Variants in PTPN14 observed in about 807,000 individuals in gnomAD.
PTPN14 encodes tyrosine-protein phosphatase non-receptor type 14.
Under a neutral mutation model 126.8 loss-of-function variants are expected in PTPN14, and 53 were observed. The ratio of observed to expected loss-of-function variants is 0.42; its 90% confidence interval spans 0.34 to 0.53. The LOEUF (loss-of-function observed/expected upper bound fraction) is 0.53. Ranked by LOEUF, PTPN14 falls within the 20% of genes least tolerant of loss-of-function variation. The pLI, the probability that PTPN14 is intolerant of heterozygous loss-of-function variation, is 0.08. For missense variants in PTPN14, 1,257 were observed against 1,552.9 expected, an observed-to-expected ratio of 0.81 and a Z score of 3.20; for synonymous variants, 630 against 599.3, an observed-to-expected ratio of 1.05 and a Z score of -0.75.
intron 3 of PTPN14, among the ~76,000 whole-genome samples, chr1:214,436,442 C>A (rs975698137): frequency 1.3e-5 from 2 of 152,092 alleles, no homozygotes; most frequent in Non-Finnish European, 1.5e-5. Flanking sequence ...CATTTGCCAA[C>A]TTGTGGTGGA....
Position 214,358,021 on chromosome 1 carries a change from G to A in PTPN14, c.3465C>T (p.Leu1155=), listed in dbSNP as rs1464542763. 1.2e-6 allele frequency: 2 copies of A among 1,613,642 alleles called. No individual in the cohort carries two copies. The highest frequency in any genetic ancestry group is 2.2e-5 in the East Asian group (1 of 44,856). ...EKVEVPMMLR[L]LREQRMFMIQ... ...TCATGAACATCCTCTGCTCCCTGAG[G>A]AGCCTCAGCATCATGGGCACTTCCA... The change falls in exon 19 of 19, where the codon CTC becomes CTT. Residue 1155 remains leucine, a synonymous_variant. Coordinates refer to ENST00000366956, the MANE Select transcript of PTPN14 (RefSeq NM_005401.5).
intron 2 of PTPN14, among the ~76,000 whole-genome samples, chr1:214,462,867 T>A (rs561552685): frequency 6.6e-5 from 10 of 152,372 alleles, no homozygotes; most frequent in East Asian, 3.9e-4. Context: ...GGGTTTTTTT[T>A]AAGTTGTTTA....
rs1239934269 is a variant in PTPN14, at chr1:214,516,075, A to C, written c.-155+35108T>G. 4.6e-5 allele frequency among the ~76,000 whole-genome samples: 7 copies of C among 152,320 alleles called. No individual in the cohort carries two copies. The South Asian group carries it at 1.2e-3, about 27-fold the overall frequency. On this transcript the variant is annotated intron_variant, in intron 1 of 18. Coordinates refer to ENST00000366956, the MANE Select transcript of PTPN14 (RefSeq NM_005401.5). ...TTTCGATAACATAAAAGCAGGAAGT[A>C]CACCTCCACCTCACCCCAGAGGAGC... is the stretch of plus-strand genomic sequence containing the variant.
chr1:214,446,762 G>A (rs977679476), intron 3 of PTPN14, among the ~76,000 whole-genome samples: 1 of 151,984 alleles, frequency 6.6e-6, no homozygotes, highest in African/African-American at 2.4e-5. Flanking sequence ...CCCAACCAGA[G>A]TATTAATCTA....
intron 5 of PTPN14, 81 bp downstream of exon 5, chr1:214,411,603 A>G (rs1329115540): frequency 7.0e-6 from 8 of 1,137,142 alleles, no homozygotes; most frequent in Middle Eastern, 2.0e-4. Context: ...TGCATATGTA[A>G]AATCCTGAAA....
chr1:214,359,760 A>T (rs2102503384), intron 18 of PTPN14, among the ~76,000 whole-genome samples: 1 of 152,198 alleles, frequency 6.6e-6, no homozygotes, highest in East Asian at 1.9e-4. Context: ...AGCTCAAGTA[A>T]TCCTCCAGCC....
intron 1 of PTPN14, among the ~76,000 whole-genome samples, chr1:214,465,646 A>G (rs1660617953): frequency 6.6e-6 from 1 of 151,922 alleles, no homozygotes; most frequent in African/African-American, 2.4e-5. Context: ...TTAAATTAAA[A>G]AGCCCACTAG....
rs771216709 is a variant in PTPN14 at position 214,364,588 on chromosome 1, T to A, written c.3359A>T (p.His1120Leu). Reference protein sequence around the residue: ...TKNRHPPIVVHCSAGVGRTGV... With the variant: ...TKNRHPPIVVLCSAGVGRTGV... ...GGTCCTTCCCACCCCAGCACTACAG[T>A]GGACCACGATGGGCGGGTGCCGGTT... Residue 1120 changes from histidine to leucine, a missense_variant, in exon 18 of 19, where the codon CAC (histidine) becomes CTC (leucine). His to Leu is a moderately conservative substitution (Grantham distance 99). Transcript: ENST00000366956. This position sits in a 1 kb window ranked among gnomAD's most constrained non-coding sequence, Gnocchi z 4.1. 1 of 1,614,100 alleles carries A rather than the reference T, an allele frequency of 6.2e-7. No homozygotes were observed. The highest frequency in any genetic ancestry group is 1.1e-5 in the South Asian group (1 of 91,078).
At chr1:214,401,850 C>T in intron 6 of PTPN14, 78 bp from the exon 7 acceptor site, 1 of 1,194,606 alleles carries the variant, frequency 8.4e-7, no homozygotes, top group Middle Eastern at 1.9e-4. Context: ...ATGGCAAATT[C>T]CAGAGCTGTG....
intron 1 of PTPN14, among the ~76,000 whole-genome samples, chr1:214,534,194 T>C (rs934175837): frequency 6.6e-6 from 1 of 152,204 alleles, no homozygotes; most frequent in African/African-American, 2.4e-5. Context: ...TGATAGTTTT[T>C]CCAGGGAGCA....
At chr1:214,419,652 A>T (rs1242597287) in intron 3 of PTPN14, among the ~76,000 whole-genome samples, 2 of 152,180 alleles carry the variant, frequency 1.3e-5, no homozygotes, top group Non-Finnish European at 2.9e-5. Context: ...CTGATGTTAT[A>T]TTCTGCAAAT....
chr1:214,530,415 T>C (rs1655515373), intron 1 of PTPN14: 1 of 151,152 alleles, frequency 6.6e-6, no homozygotes, highest in Non-Finnish European at 1.5e-5. Flanking sequence ...GATCTCAGCT[T>C]ATAGCAACCT....
chr1:214,392,719 A>C (rs1658786104), intron 10 of PTPN14, among the ~76,000 whole-genome samples: 1 of 152,184 alleles, frequency 6.6e-6, no homozygotes, highest in African/African-American at 2.4e-5. Context: ...CAAACCAAGC[A>C]GGTAGGCCTA....
intron 1 of PTPN14, among the ~76,000 whole-genome samples, chr1:214,537,574 C>T (rs1271804203): frequency 6.6e-6 from 1 of 152,178 alleles, no homozygotes; most frequent in African/African-American, 2.4e-5. Context: ...AAAGATAATC[C>T]ACTGGACAAA....
chr1:214,376,529 T>A (rs1235883218), intron 14 of PTPN14, 92 bp from the exon 15 acceptor site: 1 of 1,075,396 alleles, frequency 9.3e-7, no homozygotes, highest in Non-Finnish European at 1.4e-6. Flanking sequence ...AGCGATTGTG[T>A]TAAAAGAGAT....
chr1:214,364,678 G>A lies in PTPN14; in HGVS notation c.3272-3C>T, dbSNP rs754492718. ...CGACTGGATCTCCTCCAAGTAGGCTGCAGGACAAAATGCAAATTCTGTCAC... is the reference window on the plus strand; with the variant it reads ...CGACTGGATCTCCTCCAAGTAGGCTACAGGACAAAATGCAAATTCTGTCAC... On this transcript the variant is annotated splice_polypyrimidine_tract_variant and splice_region_variant and intron_variant, in intron 17 of 18. Coordinates refer to ENST00000366956, the MANE Select transcript of PTPN14 (RefSeq NM_005401.5). The surrounding 1 kb of genome is among the most constrained non-coding windows in gnomAD (Gnocchi z 4.1). 1 of 1,609,060 alleles carries A rather than the reference G, an allele frequency of 6.2e-7. No homozygotes were observed. The highest frequency in any genetic ancestry group is 8.5e-7 in the Non-Finnish European group (1 of 1,177,902).
At chr1:214,477,131 G>C (rs1037172838) in intron 1 of PTPN14, among the ~76,000 whole-genome samples, 2 of 152,170 alleles carry the variant, frequency 1.3e-5, no homozygotes, top group Admixed American at 6.5e-5. Flanking sequence ...CCACTCCAGT[G>C]AATCAGTACA....
At chr1:214,474,262 C>T (rs1394263526) in intron 1 of PTPN14, among the ~76,000 whole-genome samples, 4 of 152,144 alleles carry the variant, frequency 2.6e-5, no homozygotes, top group South Asian at 2.1e-4. Flanking sequence ...GAAATGGAGC[C>T]AAAACATCCT....
At chr1:214,483,117 G>A in intron 1 of PTPN14, 1 of 1,610,886 alleles carries the variant, frequency 6.2e-7, no homozygotes, top group Non-Finnish European at 8.5e-7. Context: ...ACAAATACTT[G>A]AATGACATCT....
Sources: allele counts gnomAD v4.1 joint callset (sites outside exome capture counted in the v4.1 genomes callset), GRCh38; gene constraint gnomAD v4.1.1; non-coding constraint Gnocchi (gnomAD v3.1); transcripts MANE v1.5; gene names NCBI Gene and HGNC (gene_info 2026-07-23, HGNC 2026-07-21).